The following LCOR variants were observed in gnomAD, a reference collection of about 807,000 sequenced individuals.
LCOR encodes ligand-dependent corepressor.
In LCOR, 14 loss-of-function variants were observed where a neutral mutation model predicts 64.4. That is an observed-to-expected ratio of 0.22 (90% CI 0.14 to 0.34). The LOEUF (loss-of-function observed/expected upper bound fraction) is 0.34, where lower values mean the gene tolerates loss of function less well. LCOR is among the 10% of genes least tolerant of loss of function. The pLI is 1.00. For synonymous variants in LCOR, 643 were observed against 642.5 expected (o/e 1.00, Z -0.01); for missense variants, 1,686 against 1,765.3 (o/e 0.96, Z 0.80).
At chr10:96,891,249 A>G (rs1177677060) in intron 2 of LCOR, among the ~76,000 whole-genome samples, 1 of 151,954 alleles carries the variant, frequency 6.6e-6, no homozygotes, top group East Asian at 1.9e-4. Context: ...GGTAGTTTCT[A>G]GAGGTTTATC....
intron 2 of LCOR, among the ~76,000 whole-genome samples, chr10:96,864,616 A>G (rs1023573648): frequency 1.3e-5 from 2 of 152,252 alleles, no homozygotes; most frequent in South Asian, 2.1e-4. Flanking sequence ...CTCTGCATGT[A>G]TGTATGGTCA....
At chr10:96,899,180 T>G (rs2134443411) in intron 2 of LCOR, among the ~76,000 whole-genome samples, 1 of 152,220 alleles carries the variant, frequency 6.6e-6, no homozygotes. Context: ...TTTTAGGTAT[T>G]TAGGAGATTT....
chr10:96,870,295 G>T (rs1846051353), intron 2 of LCOR, among the ~76,000 whole-genome samples: 1 of 152,192 alleles, frequency 6.6e-6, no homozygotes, highest in Admixed American at 6.5e-5. Context: ...ACAGGCGTGA[G>T]CCACCGCACC....
intron 7 of LCOR, chr10:96,959,219 T>TTATTACATTACAGAA (rs1435152524): frequency 6.6e-6 from 1 of 152,184 alleles, no homozygotes; most frequent in Non-Finnish European, 1.5e-5. Flanking sequence ...GAGATTGGTC[T>TTATTACATTACAGAA]ATTAGCATGC....
chr10:96,862,362 C>G (rs1226957353), intron 2 of LCOR, among the ~76,000 whole-genome samples: 1 of 152,146 alleles, frequency 6.6e-6, no homozygotes, highest in African/African-American at 2.4e-5. Flanking sequence ...CAGCCTCGAT[C>G]TGAAGCAGTC....
chr10:96,882,972 A>G (rs1002046412), intron 2 of LCOR, among the ~76,000 whole-genome samples: 2 of 152,156 alleles, frequency 1.3e-5, no homozygotes, highest in Non-Finnish European at 2.9e-5. Context: ...ACTACCAGGC[A>G]TCTTAGTTGC....
At chr10:96,966,211 C>G (rs1316564660) in intron 7 of LCOR, among the ~76,000 whole-genome samples, 1 of 139,442 alleles carries the variant, frequency 7.2e-6, no homozygotes, top group African/African-American at 2.7e-5. Context: ...TTTTTCCCCC[C>G]AAAGGACTCT....
At chr10:96,890,970 A>G (rs1242887277) in intron 2 of LCOR, among the ~76,000 whole-genome samples, 3 of 152,034 alleles carry the variant, frequency 2.0e-5, no homozygotes, top group Admixed American at 1.3e-4. Flanking sequence ...TTGCATCTCT[A>G]TTCGTGAGGG....
rs1454537665 is a variant in LCOR, at chr10:96,993,856, C to G, written c.*8722C>G. ...CCAGATGTTCTTTCTGATGTGTTGC[C>G]CATAAGCAATAAGATCCTAGGTAAT... On this transcript the variant is annotated 3_prime_UTR_variant, in exon 8 of 8. Coordinates refer to ENST00000421806, the MANE Select transcript of LCOR (RefSeq NM_001346516.2). 2 of 151,650 alleles carry G rather than the reference C, an allele frequency of 1.3e-5. No individual in the cohort carries two copies. Among genetic ancestry groups the G allele is most frequent in the Non-Finnish European group, 2.9e-5 (2 of 67,964 alleles). The allele number at this position is 151,650 out of a possible 1,614,324, so 9.4% of individuals were successfully genotyped here.
chr10:96,856,575 T>C (rs1845808524), intron 2 of LCOR, among the ~76,000 whole-genome samples: 1 of 149,264 alleles, frequency 6.7e-6, no homozygotes, highest in Non-Finnish European at 1.5e-5. Flanking sequence ...CTGTCACCCA[T>C]GCTGGAGTGC....
At chr10:96,877,598 A>ATTTTTTTTTTTTTTT (rs57119025) in intron 2 of LCOR, among the ~76,000 whole-genome samples, 1 of 65,660 alleles carries the variant, frequency 1.5e-5, no homozygotes, top group Non-Finnish European at 2.6e-5. Context: ...ATTTTTCTGA[A>ATTTTTTTTTTTTTTT]TTTTTTTTTT....
Position 96,944,240 on chromosome 10 carries a change from G to A in LCOR, c.-56G>A. On this transcript the variant is annotated 5_prime_UTR_variant, in exon 5 of 8. Transcript: ENST00000421806. ...GAATTCCTCAATGCAGTCTTTTATA[G>A]AAAAGGTTGGTTTCAGTGAAGATGA... 1.0e-6 allele frequency: 1 copy of A among 985,648 alleles called. No individual in the cohort carries two copies. Among genetic ancestry groups the A allele is most frequent in the Non-Finnish European group, 1.2e-6 (1 of 829,846 alleles). The allele number at this position is 985,648 out of a possible 1,614,324, so 61.1% of individuals were successfully genotyped here.
chr10:96,956,274 T>C (rs1219097407), intron 7 of LCOR: 2 of 1,000,820 alleles, frequency 2.0e-6, no homozygotes, highest in Non-Finnish European at 2.4e-6. Flanking sequence ...TATATTTGTT[T>C]TTACTTTTTA....
At chr10:96,943,311 G>A (rs1396098290) in intron 4 of LCOR, among the ~76,000 whole-genome samples, 3 of 152,134 alleles carry the variant, frequency 2.0e-5, no homozygotes, top group African/African-American at 7.2e-5. Flanking sequence ...TGGCCAGGCT[G>A]GTCTCGAACT....
intron 4 of LCOR, among the ~76,000 whole-genome samples, chr10:96,927,439 C>A (rs567469970): frequency 1.8e-4 from 27 of 151,666 alleles, no homozygotes. Flanking sequence ...TTTTTCTTTG[C>A]GTCATTTGAA....
intron 2 of LCOR, among the ~76,000 whole-genome samples, chr10:96,903,409 T>A (rs542841965): frequency 6.6e-6 from 1 of 152,130 alleles, no homozygotes; most frequent in Non-Finnish European, 1.5e-5. Context: ...TTGTGTGGCA[T>A]GTGATTGTAC....
intron 4 of LCOR, among the ~76,000 whole-genome samples, chr10:96,942,325 C>T (rs1237517031): frequency 6.6e-6 from 1 of 150,706 alleles, no homozygotes; most frequent in South Asian, 2.1e-4. Context: ...CGCCTGCAAT[C>T]GCAGGCACTC....
chr10:96,984,171 G>A lies in LCOR; in HGVS notation c.3711G>A (p.Lys1237=), dbSNP rs919121920. ...CACTACAGGCTGAGCGCTTGAAAAA[G>A]CACTTGAAGAAATTTCCTGGAGCTA... ...PSSLQAERLK[K]HLKKFPGATP... Residue 1237 remains lysine (K), a synonymous_variant, in exon 8 of 8, where the codon AAG becomes AAA. Coordinates refer to ENST00000421806, the MANE Select transcript of LCOR (RefSeq NM_001346516.2). 7 of 1,613,968 alleles carry A rather than the reference G, an allele frequency of 4.3e-6. No homozygotes were observed. The highest frequency in any genetic ancestry group is 4.5e-5 in the East Asian group (2 of 44,890).
chr10:96,862,746 T>C (rs577040669), intron 2 of LCOR, among the ~76,000 whole-genome samples: 11 of 152,206 alleles, frequency 7.2e-5, no homozygotes, highest in Non-Finnish European at 1.5e-4. Context: ...CGTCAACTCA[T>C]TGGTGTACAA....
Sources: allele counts gnomAD v4.1 joint callset (sites outside exome capture counted in the v4.1 genomes callset), GRCh38; gene constraint gnomAD v4.1.1; transcripts MANE v1.5; gene names NCBI Gene and HGNC (gene_info 2026-07-23, HGNC 2026-07-21).